KLHL13: variants seen among roughly 807,000 people sequenced by gnomAD.
KLHL13 encodes the protein kelch-like protein 13.
In KLHL13, 10 loss-of-function variants were observed where a neutral mutation model predicts 37.1. The observed-to-expected ratio is 0.27, with a 90% CI of 0.17 to 0.46. KLHL13 has a LOEUF of 0.46. Among genes scored for constraint, KLHL13 ranks in the 20% least tolerant of loss-of-function variants. The pLI is 1.00. For missense variants in KLHL13, 360 were observed against 509.3 expected (o/e 0.71, Z 2.82); for synonymous variants, 163 against 181.2 (o/e 0.90, Z 0.81).
chrX:118,045,965 T>C (rs1474023240), intron 1 of KLHL13, among the ~76,000 whole-genome samples: 3 of 112,214 alleles, frequency 2.7e-5, no homozygotes, highest in African/African-American at 9.7e-5. Flanking sequence ...GTACCACTAC[T>C]ATGGAGAACA....
intron 1 of KLHL13, among the ~76,000 whole-genome samples, chrX:118,057,762 C>T (rs2148086533): frequency 9.1e-6 from 1 of 110,216 alleles, no homozygotes; most frequent in East Asian, 2.8e-4. Flanking sequence ...GGAGGCAGAG[C>T]TTGCAGTGAG....
At chrX:118,010,596 G>A (rs1182961047) in intron 1 of KLHL13, among the ~76,000 whole-genome samples, 1 of 67,938 alleles carries the variant, frequency 1.5e-5, no homozygotes, top group Non-Finnish European at 2.8e-5. Context: ...GTGGTGGGGT[G>A]GGGGGAGGGG....
At chrX:118,054,287 T>C (rs1391077632) in intron 1 of KLHL13, among the ~76,000 whole-genome samples, 1 of 111,365 alleles carries the variant, frequency 9.0e-6, no homozygotes, top group Non-Finnish European at 1.9e-5. Flanking sequence ...GAAAGCTGTT[T>C]ATCCAAGCAA....
intron 1 of KLHL13, among the ~76,000 whole-genome samples, chrX:118,089,834 T>C (rs2055108155): frequency 9.1e-6 from 1 of 110,313 alleles, no homozygotes; most frequent in Admixed American, 9.7e-5. Context: ...ATCCCAGCAT[T>C]TTGGGAGGTC....
In KLHL13 at chrX:117,912,428, T is replaced by C. The variant is rs1226912075; in HGVS notation, c.571-2332A>G. ...AGATTAAAGATTAAAAGCCAAACTG[T>C]ATAATTCAGAAATGGGATCAAGGTA... On this transcript the variant is annotated intron_variant, in intron 4 of 6. Transcript: ENST00000262820. 1.1e-4 allele frequency among the ~76,000 whole-genome samples: 12 copies of C among 112,265 alleles called. No individual in the cohort carries two copies. The East Asian group carries it at 3.3e-3, about 31-fold the overall frequency.
At chrX:118,039,832 T>C (rs1326528590) in intron 1 of KLHL13, among the ~76,000 whole-genome samples, 1 of 111,198 alleles carries the variant, frequency 9.0e-6, no homozygotes, top group African/African-American at 3.3e-5. Flanking sequence ...GTCCCAGTGG[T>C]GGTTGCCACA....
At chrX:117,955,681 C>T (rs978139261) in intron 1 of KLHL13, among the ~76,000 whole-genome samples, 1 of 111,675 alleles carries the variant, frequency 9.0e-6, no homozygotes, top group South Asian at 3.8e-4. Context: ...ATCACAGATA[C>T]GTGGCTCAAT....
Position 117,999,516 on chromosome X carries a change from G to A in KLHL13, c.-55-53941C>T, listed in dbSNP as rs185216269. ...AATGAGAACACATGGACACAGGAAG[G>A]GGAACATCACACACCAGGGCCTGCT... On this transcript the variant is annotated intron_variant, in intron 1 of 6. Transcript: ENST00000371882. 1.7e-3 allele frequency among the ~76,000 whole-genome samples: 189 copies of A among 109,841 alleles called. 1 individual carries two copies. The highest frequency in any genetic ancestry group is 2.8e-3 in the Non-Finnish European group (149 of 52,715).
intron 1 of KLHL13, among the ~76,000 whole-genome samples, chrX:118,070,970 C>T (rs763447199): frequency 9.4e-6 from 1 of 106,789 alleles, no homozygotes; most frequent in African/African-American, 3.4e-5. Flanking sequence ...TGTGTTCTCA[C>T]TGTTCAGTTC....
At chrX:117,928,378 T>C (rs1932202893) in intron 2 of KLHL13, among the ~76,000 whole-genome samples, 1 of 111,718 alleles carries the variant, frequency 9.0e-6, no homozygotes, top group Non-Finnish European at 1.9e-5. Context: ...ACAGAATACT[T>C]CACCGAAGAA....
At chrX:117,973,157 C>T in exon 1 of KLHL13, 1 of 748,516 alleles carries the variant, frequency 1.3e-6, no homozygotes, top group Non-Finnish European at 1.7e-6. Context: ...AGCAGCCAGG[C>T]TTTTTTTTTT....
At chrX:117,940,798 C>G (rs955224164) in intron 2 of KLHL13, among the ~76,000 whole-genome samples, 1 of 111,675 alleles carries the variant, frequency 9.0e-6, no homozygotes. Flanking sequence ...GATTTTGTAT[C>G]CTGAGACTTT....
chrX:118,013,759 C>T (rs1014163580), intron 1 of KLHL13, among the ~76,000 whole-genome samples: 4 of 112,487 alleles, frequency 3.6e-5, no homozygotes, highest in African/African-American at 6.4e-5. Flanking sequence ...AGACCCCGAA[C>T]GGAGAGACCG....
chrX:117,999,445 A>G (rs1265235175), intron 1 of KLHL13, among the ~76,000 whole-genome samples: 2 of 111,079 alleles, frequency 1.8e-5, no homozygotes, highest in Non-Finnish European at 3.8e-5. Context: ...TCACAAGGAC[A>G]TAAAACCAAA....
Position 117,964,115 on chromosome X carries a change from C to T in KLHL13, c.98+8616G>A, listed in dbSNP as rs1313868710. Among the ~76,000 whole-genome samples, 6 of 99,393 alleles carry T rather than the reference C, an allele frequency of 6.0e-5. No homozygotes were observed. In the East Asian group the frequency reaches 1.0e-3, roughly 16 times the overall value. The allele number at this position is 99,393 out of a possible 115,157, so 86.3% of individuals were successfully genotyped here. A position where few individuals can be genotyped will look rare whatever the true frequency, so the allele number is the denominator to read the frequency against. On this transcript the variant is annotated intron_variant, in intron 1 of 6. Transcript: ENST00000262820. ...CTAGATGACACGTTAGTGGGTGCAG[C>T]GCACCAGCATGGCACATGTATACAT...
At chrX:118,094,167 AG>A (rs1294751412) in intron 1 of KLHL13, among the ~76,000 whole-genome samples, 1 of 111,084 alleles carries the variant, frequency 9.0e-6, no homozygotes, top group Non-Finnish European at 1.9e-5. Context: ...ATGGCTAACT[AG>A]AATAACCAAT....
chrX:118,037,899 A>G (rs1448930639), intron 1 of KLHL13, among the ~76,000 whole-genome samples: 1 of 111,881 alleles, frequency 8.9e-6, no homozygotes, highest in East Asian at 2.8e-4. Flanking sequence ...GCCAGAGTGA[A>G]CTAGGACTGA....
chrX:117,901,774 A>G (rs1391188498), intron 6 of KLHL13, 59 bp downstream of exon 7: 1 of 562,720 alleles, frequency 1.8e-6, no homozygotes, highest in Non-Finnish European at 2.9e-6. Context: ...CTATATGGAA[A>G]GATAACCATA....
At chrX:117,987,806 C>T (rs765918821) in intron 1 of KLHL13, among the ~76,000 whole-genome samples, 1 of 112,116 alleles carries the variant, frequency 8.9e-6, no homozygotes, top group African/African-American at 3.2e-5. Context: ...AAGCTGTCTA[C>T]ACCTTCCTTC....
Sources: gnomAD v4.1 joint callset for allele counts (sites outside exome capture counted in the v4.1 genomes callset) on GRCh38, gnomAD v4.1.1 for gene constraint, MANE v1.5 for transcripts, NCBI Gene and HGNC (gene_info 2026-07-23, HGNC 2026-07-21) for gene names.